The following FANCL variants were observed in gnomAD, a reference collection of about 807,000 sequenced individuals.
FANCL encodes E3 ubiquitin-protein ligase FANCL.
In FANCL, 69 loss-of-function variants were observed where a neutral mutation model predicts 59.4. The ratio of observed to expected loss-of-function variants is 1.16; its 90% CI spans 0.96 to 1.42. The LOEUF (loss-of-function observed/expected upper bound fraction) is 1.42, where lower values mean the gene tolerates loss of function less well. Among genes scored for constraint, FANCL ranks in the 40% most tolerant of loss-of-function variants. The probability of loss-of-function intolerance (pLI) is 0.00; values close to 1 mark genes in which losing one functional copy is unlikely to be tolerated. For synonymous variants in FANCL, 180 were observed against 147.1 expected (o/e 1.22, Z -1.62); for missense variants, 519 against 447.2 (o/e 1.16, Z -1.45).
intron 1 of FANCL, among the ~76,000 whole-genome samples, chr2:58,238,529 G>A (rs1694230011): frequency 1.3e-5 from 2 of 152,112 alleles, no homozygotes; most frequent in African/African-American, 4.8e-5. Context: ...AATAAAATCA[G>A]AAACCTAGAT....
chr2:58,220,507 T>C (rs1692367194), intron 5 of FANCL, among the ~76,000 whole-genome samples: 1 of 152,236 alleles, frequency 6.6e-6, no homozygotes, highest in Admixed American at 6.5e-5. Context: ...ATTTCTGTAA[T>C]AATCACAGTG....
intron 5 of FANCL, among the ~76,000 whole-genome samples, chr2:58,211,042 A>G (rs1691090864): frequency 6.6e-6 from 1 of 152,156 alleles, no homozygotes; most frequent in South Asian, 2.1e-4. Context: ...CCCTCTTCTC[A>G]CAGCTACACT....
chr2:58,165,967 A>G, intron 7 of FANCL, 93 bp from the exon 8 acceptor site: 1 of 1,328,002 alleles, frequency 7.5e-7, no homozygotes, highest in Non-Finnish European at 1.1e-6. Context: ...AGAAATTTTA[A>G]GCTGTTTCAT....
chr2:58,190,038 T>A (rs1195954810), intron 7 of FANCL, among the ~76,000 whole-genome samples: 2 of 152,056 alleles, frequency 1.3e-5, no homozygotes, highest in East Asian at 1.9e-4. Context: ...AATATCTCCA[T>A]CAGGTATCTT....
At chr2:58,195,798 G>C (rs2105078604) in intron 7 of FANCL, among the ~76,000 whole-genome samples, 1 of 152,222 alleles carries the variant, frequency 6.6e-6, no homozygotes. Context: ...CAAAGAATAT[G>C]CATTGCTGAA....
intron 7 of FANCL, among the ~76,000 whole-genome samples, chr2:58,191,874 C>T (rs1688955661): frequency 6.6e-6 from 1 of 151,882 alleles, no homozygotes; most frequent in Non-Finnish European, 1.5e-5. Context: ...TCATATACAA[C>T]ACCCCAATTT....
At chr2:58,187,845 C>T (rs1234920596) in intron 7 of FANCL, among the ~76,000 whole-genome samples, 1 of 152,100 alleles carries the variant, frequency 6.6e-6, no homozygotes, top group Non-Finnish European at 1.5e-5. Flanking sequence ...TTAAACACAT[C>T]AGATATATGA....
In FANCL at chr2:58,159,251, G is replaced by T. The variant is rs971755352; in HGVS notation, c.*514C>A. ...AAATAACACGCAAAAACTTGATCTT[G>T]TATAACATTTTATTTAGCATTCTTA... On this transcript the variant is annotated 3_prime_UTR_variant, in exon 14 of 14. Transcript: ENST00000233741. 4 of 925,890 alleles carry T rather than the reference G, an allele frequency of 4.3e-6. No homozygotes were observed. The highest frequency in any genetic ancestry group is 4.8e-6 in the Non-Finnish European group (3 of 623,236). The allele number at this position is 925,890 out of a possible 1,614,324, so 57.4% of individuals were successfully genotyped here.
chr2:58,232,254 AAAATATATG>A, intron 1 of FANCL, 142 bp from the exon 2 acceptor site: 1 of 723,262 alleles, frequency 1.4e-6, no homozygotes. Context: ...TATACTTGTT[AAAATATATG>A]CAACACAATA....
At chr2:58,183,721 A>G (rs1408622734) in intron 7 of FANCL, among the ~76,000 whole-genome samples, 2 of 151,952 alleles carry the variant, frequency 1.3e-5, no homozygotes, top group African/African-American at 4.8e-5. Flanking sequence ...GCACATGTAG[A>G]AATAAAAATA....
chr2:58,182,204 G>C (rs1043097053), intron 7 of FANCL, among the ~76,000 whole-genome samples: 2 of 151,664 alleles, frequency 1.3e-5, no homozygotes, highest in Admixed American at 1.3e-4. Flanking sequence ...AATGAAAATC[G>C]TACTGGAATC....
intron 1 of FANCL, 74 bp from the exon 2 acceptor site, chr2:58,232,186 AAAG>A: frequency 8.3e-7 from 1 of 1,201,710 alleles, no homozygotes; most frequent in Non-Finnish European, 1.2e-6. Flanking sequence ...ACAGAATCAC[AAAG>A]AAAAGACAAT....
chr2:58,230,898 T>A (rs1185469508), intron 2 of FANCL, among the ~76,000 whole-genome samples: 2 of 152,198 alleles, frequency 1.3e-5, no homozygotes, highest in Non-Finnish European at 2.9e-5. Flanking sequence ...ACATCATAAC[T>A]CCTTCTTGAA....
intron 1 of FANCL, among the ~76,000 whole-genome samples, chr2:58,235,896 AG>A (rs2103976351): frequency 1.3e-5 from 2 of 152,120 alleles, no homozygotes; most frequent in African/African-American, 4.8e-5. Context: ...ACCTTACAAA[AG>A]AAGGTATTAG....
At chr2:58,181,046 C>T (rs1477830102) in intron 7 of FANCL, among the ~76,000 whole-genome samples, 2 of 152,088 alleles carry the variant, frequency 1.3e-5, no homozygotes, top group Admixed American at 1.3e-4. Context: ...CTTAACCTGG[C>T]AATTCTACTC....
At chr2:58,210,679 T>C (rs936431501) in intron 5 of FANCL, among the ~76,000 whole-genome samples, 11 of 152,120 alleles carry the variant, frequency 7.2e-5, no homozygotes, top group African/African-American at 2.7e-4. Flanking sequence ...GCAAGTTAGT[T>C]ACTTCCTAGA....
intron 1 of FANCL, among the ~76,000 whole-genome samples, chr2:58,237,569 C>T (rs1234172843): frequency 1.3e-5 from 2 of 151,690 alleles, no homozygotes; most frequent in East Asian, 3.9e-4. Flanking sequence ...GATCAGAAAA[C>T]TATCATATAG....
chr2:58,216,830 C>T (rs1451285549), intron 5 of FANCL, among the ~76,000 whole-genome samples: 4 of 151,740 alleles, frequency 2.6e-5, no homozygotes, highest in Admixed American at 2.6e-4. Context: ...TCCTTACCGC[C>T]CAGGTTGGAA....
At chr2:58,234,405 G>A (rs1335041579) in intron 1 of FANCL, among the ~76,000 whole-genome samples, 6 of 151,260 alleles carry the variant, frequency 4.0e-5, no homozygotes, top group Non-Finnish European at 7.4e-5. Context: ...GTCCAAGGAA[G>A]AACAAAATGA....
Sources: allele counts gnomAD v4.1 joint callset (sites outside exome capture counted in the v4.1 genomes callset), GRCh38; gene constraint gnomAD v4.1.1; transcripts MANE v1.5; gene names NCBI Gene and HGNC (gene_info 2026-07-23, HGNC 2026-07-21).